The following PDPR variants were observed in gnomAD, a reference collection of about 807,000 sequenced individuals.
PDPR encodes pyruvate dehydrogenase phosphatase regulatory subunit, also known as pyruvate dehydrogenase phosphatase regulatory subunit, mitochondrial.
PDPR carries 50 observed loss-of-function variants against 102.2 expected under a neutral mutation model. That is an observed-to-expected ratio of 0.49 (90% CI 0.39 to 0.62). The LOEUF (loss-of-function observed/expected upper bound fraction) is 0.62, where lower values mean the gene tolerates loss of function less well. PDPR is among the 20% of genes least tolerant of loss of function. The pLI is 0.00. For synonymous variants in PDPR, 259 were observed against 406.0 expected (o/e 0.64, Z 4.35); for missense variants, 625 against 1,098.2 (o/e 0.57, Z 6.09).
At position 70,127,329 on chromosome 16, in the gene PDPR, G is replaced by T; in HGVS notation, c.297G>T (p.Gln99His). The change falls in exon 4 of 19, where the codon CAG (glutamine) becomes CAT (histidine). Residue 99 changes from glutamine to histidine, a missense_variant. Coordinates refer to ENST00000288050, the MANE Select transcript of PDPR (RefSeq NM_017990.5). The stretch of plus-strand genomic sequence containing the variant: ...CTGCCAGGCACTTGACCATTGAGCA[G>T]AAGATGGCAGACTACTCAAACAAAC... ...LSTARHLTIE[Q>H]KMADYSNKLY... The T allele has an allele frequency of 6.2e-7, 1 of 1,610,406 alleles. No individual in the cohort carries two copies. The highest frequency in any genetic ancestry group is 8.5e-7 in the Non-Finnish European group (1 of 1,178,070).
chr16:70,153,013 C>G (rs1021651471), intron 17 of PDPR, among the ~76,000 whole-genome samples: 31 of 152,268 alleles, frequency 2.0e-4, no homozygotes, highest in Non-Finnish European at 3.7e-4. Flanking sequence ...AGAACAAAGC[C>G]AGAATCAGAT....
chr16:70,114,983 G>T (rs1374936700), intron 2 of PDPR, 53 bp downstream of exon 2: 2 of 152,246 alleles, frequency 1.3e-5, no homozygotes, highest in South Asian at 4.1e-4. Context: ...TGATACCTCG[G>T]ATTTGAATCA....
chr16:70,132,637 G>A (rs1964654633), intron 9 of PDPR, among the ~76,000 whole-genome samples: 1 of 149,206 alleles, frequency 6.7e-6, no homozygotes, highest in Admixed American at 6.9e-5. Context: ...CCGAACTCCT[G>A]GTCTCATAGC....
intron 10 of PDPR, 125 bp from the exon 11 acceptor site, chr16:70,138,774 C>G: frequency 6.4e-7 from 1 of 1,552,724 alleles, no homozygotes. Flanking sequence ...AGGAAAGTGC[C>G]CAAAACTATT....
At chr16:70,147,520 C>T (rs568348332) in intron 16 of PDPR, 11 of 416,466 alleles carry the variant, frequency 2.6e-5, no homozygotes, top group African/African-American at 2.3e-4. Flanking sequence ...GAACTTCCTA[C>T]ATAATTTTCT....
intron 18 of PDPR, among the ~76,000 whole-genome samples, chr16:70,155,732 A>C (rs555746868): frequency 4.7e-4 from 71 of 152,116 alleles, no homozygotes; most frequent in Admixed American, 1.5e-3. Context: ...TTTGTTGTAC[A>C]TATGTGTATA....
rs1337059971 is a variant in PDPR, at chr16:70,114,802, C to T, written c.-142-19C>T. Reference sequence around the variant, plus strand: ...AGAGCCAACTCCAGCTTGTCTAGCCCGGTCCTCCATCCCTGCAGATGGAAC... The same window carrying T: ...AGAGCCAACTCCAGCTTGTCTAGCCTGGTCCTCCATCCCTGCAGATGGAAC... On this transcript the variant is annotated intron_variant, in intron 1 of 18. Transcript: ENST00000288050. 1.3e-5 allele frequency: 2 copies of T among 152,286 alleles called. No homozygotes were observed. The highest frequency in any genetic ancestry group is 4.8e-5 in the African/African-American group (2 of 41,470). 9.4% of individuals were successfully genotyped at this position (152,286 alleles called of 1,614,324 possible). A position where few individuals can be genotyped will look rare whatever the true frequency, so the allele number is the denominator to read the frequency against.
intron 16 of PDPR, 90 bp from the exon 17 acceptor site, chr16:70,148,374 G>A (rs2152113494): frequency 1.1e-6 from 1 of 911,188 alleles, no homozygotes; most frequent in South Asian, 1.4e-5. Context: ...GTAAACAGAG[G>A]GTGCAGCACT....
chr16:70,130,263 T>C (rs1285752450), intron 6 of PDPR, among the ~76,000 whole-genome samples, 160 bp from the exon 7 acceptor site: 65 of 152,342 alleles, frequency 4.3e-4, no homozygotes, highest in African/African-American at 1.5e-3. Context: ...ACTCCACCCT[T>C]GGCGACAAAG....
intron 15 of PDPR, among the ~76,000 whole-genome samples, chr16:70,145,189 G>A (rs1966127664): frequency 6.6e-6 from 1 of 152,202 alleles, no homozygotes; most frequent in African/African-American, 2.4e-5. Flanking sequence ...GGAGGCAGAG[G>A]TTGCAGTGAG....
chr16:70,155,802 C>CTTTTTTT (rs60054362), intron 18 of PDPR, among the ~76,000 whole-genome samples: 5 of 139,666 alleles, frequency 3.6e-5, no homozygotes, highest in African/African-American at 1.3e-4. Flanking sequence ...ATAAAAAAGT[C>CTTTTTTT]TTTTTTTTTT....
intron 17 of PDPR, among the ~76,000 whole-genome samples, chr16:70,152,208 G>A (rs147464589): frequency 6.6e-6 from 1 of 152,398 alleles, no homozygotes; most frequent in Non-Finnish European, 1.5e-5. Context: ...CAATAGCTTG[G>A]ATTCCTTTTT....
At chr16:70,119,790 A>C (rs372426165) in intron 2 of PDPR, among the ~76,000 whole-genome samples, 1 of 150,544 alleles carries the variant, frequency 6.6e-6, no homozygotes, top group African/African-American at 2.5e-5. Context: ...CTCCTCATTC[A>C]CACACGCAAA....
chr16:70,148,696 G>A (rs1178147566), intron 17 of PDPR, 143 bp downstream of exon 17: 1 of 720,136 alleles, frequency 1.4e-6, no homozygotes, highest in African/African-American at 1.8e-5. Flanking sequence ...ATCTGATTGG[G>A]CCTTGGGAGC....
At position 70,148,699 on chromosome 16, in the gene PDPR, T is replaced by C. The variant is rs1236876727; in HGVS notation, c.2052+146T>C. The C allele has an allele frequency of 1.4e-5, 10 of 719,158 alleles. No individual in the cohort carries two copies. In the African/African-American group the frequency reaches 1.4e-4, roughly 10 times the overall value. The allele number at this position is 719,158 out of a possible 1,614,324, so 44.5% of individuals were successfully genotyped here. On this transcript the variant is annotated intron_variant, in intron 17 of 18. Transcript: ENST00000288050. ...TTGGAGAGCTGTATCTGATTGGGCC[T>C]TGGGAGCTGAGGTAGGCTGCATTGA...
rs1255446674 is a variant in PDPR at position 70,159,645 on chromosome 16, GC to G, written c.*2768del. On this transcript the variant is annotated 3_prime_UTR_variant, in exon 19 of 19. Coordinates refer to ENST00000288050, the MANE Select transcript of PDPR (RefSeq NM_017990.5). Reference sequence around the variant, plus strand: ...CCCCTGCTTCTGGCATAACTGCTTTGCCTCTGTCTAGTGTCCAAGCATCTTA... The same window carrying G: ...CCCCTGCTTCTGGCATAACTGCTTTGCTCTGTCTAGTGTCCAAGCATCTTA... 1 of 152,886 alleles carries G rather than the reference GC, an allele frequency of 6.5e-6. No individual in the cohort carries two copies. The highest frequency in any genetic ancestry group is 1.5e-5 in the Non-Finnish European group (1 of 68,518). The allele number at this position is 152,886 out of a possible 1,614,324, so 9.5% of individuals were successfully genotyped here.
At chr16:70,151,802 G>T (rs1157326322) in intron 17 of PDPR, among the ~76,000 whole-genome samples, 2 of 152,188 alleles carry the variant, frequency 1.3e-5, no homozygotes, top group Non-Finnish European at 2.9e-5. Context: ...GCTTATGTTT[G>T]TCTCTCTGAG....
At chr16:70,126,624 A>G (rs536158809) in intron 3 of PDPR, among the ~76,000 whole-genome samples, 1 of 152,376 alleles carries the variant, frequency 6.6e-6, no homozygotes, top group African/African-American at 2.4e-5. Flanking sequence ...CAGCCTCCCA[A>G]AGTGCTGGGA....
intron 18 of PDPR, among the ~76,000 whole-genome samples, chr16:70,155,802 CTTTTTT>C (rs60054362): frequency 1.4e-5 from 2 of 139,696 alleles, no homozygotes; most frequent in African/African-American, 5.4e-5. Context: ...ATAAAAAAGT[CTTTTTT>C]TTTTTTTTTT....
Sources: allele counts gnomAD v4.1 joint callset (sites outside exome capture counted in the v4.1 genomes callset), GRCh38; gene constraint gnomAD v4.1.1; transcripts MANE v1.5; gene names NCBI Gene and HGNC (gene_info 2026-07-23, HGNC 2026-07-21).